Variants in RYR3 observed in about 807,000 individuals in gnomAD.
The protein encoded by RYR3 is brain ryanodine receptor-calcium release channel.
Under a neutral mutation model 584.3 loss-of-function variants are expected in RYR3, and 207 were observed. The ratio of observed to expected loss-of-function variants is 0.35; its 90% CI spans 0.32 to 0.40. The LOEUF (loss-of-function observed/expected upper bound fraction) is 0.40. Ranked by LOEUF, RYR3 falls within the 10% of genes least tolerant of loss-of-function variation. RYR3 has a pLI of 1.00. For missense variants in RYR3, 5,616 were observed against 6,089.2 expected (o/e 0.92, Z 2.59); for synonymous variants, 2,416 against 2,248.5 (o/e 1.07, Z -2.11).
At chr15:33,584,962 C>A (rs1038892226) in intron 15 of RYR3, among the ~76,000 whole-genome samples, 6 of 152,008 alleles carry the variant, frequency 3.9e-5, no homozygotes, top group Non-Finnish European at 7.4e-5. Flanking sequence ...CGTGACTCAC[C>A]CTTCACATCA....
chr15:33,369,034 C>A (rs1193648394), intron 1 of RYR3, among the ~76,000 whole-genome samples: 2 of 152,210 alleles, frequency 1.3e-5, no homozygotes, highest in African/African-American at 4.8e-5. Context: ...CAGTTACTCT[C>A]TGCTCAATCG....
chr15:33,385,712 T>TTTTTC (rs2041553713), intron 1 of RYR3, among the ~76,000 whole-genome samples: 1 of 147,652 alleles, frequency 6.8e-6, no homozygotes, highest in African/African-American at 2.5e-5. Flanking sequence ...TTTCTTTTCT[T>TTTTTC]TTTTTTTTTG....
rs1201963780 is a variant in RYR3 at position 33,795,380 on chromosome 15, C to CTTTTTT, written c.9831-5373_9831-5368dup. 3.1e-3 allele frequency among the ~76,000 whole-genome samples: 286 copies of CTTTTTT among 92,420 alleles called. 1 individual carries two copies. The highest frequency in any genetic ancestry group is 7.2e-3 in the African/African-American group (164 of 22,804). The allele number at this position is 92,420 out of a possible 152,430, so 60.6% of individuals were successfully genotyped here. A position where few individuals can be genotyped will look rare whatever the true frequency, so the allele number is the denominator to read the frequency against. On this transcript the variant is annotated intron_variant, in intron 67 of 103. Coordinates refer to ENST00000634891, the MANE Select transcript of RYR3 (RefSeq NM_001036.6). ...AGTATTAAACAAGTCTTTTTCTTTT[C>CTTTTTT]TTTTTTTTTTTTTTTTTTTTTTGTG...
intron 3 of RYR3, among the ~76,000 whole-genome samples, chr15:33,504,621 A>G (rs2052307149): frequency 6.6e-6 from 1 of 152,214 alleles, no homozygotes; most frequent in Admixed American, 6.5e-5. Context: ...TGCCTGTTTT[A>G]AAATCCTTTG....
At chr15:33,672,387 C>T (rs1002627520) in intron 38 of RYR3, among the ~76,000 whole-genome samples, 1 of 152,160 alleles carries the variant, frequency 6.6e-6, no homozygotes, top group African/African-American at 2.4e-5. Flanking sequence ...TATGAGACTG[C>T]GTGTCTTCAC....
At chr15:33,814,620 C>T (rs749054673) in intron 74 of RYR3, among the ~76,000 whole-genome samples, 28 of 152,148 alleles carry the variant, frequency 1.8e-4, no homozygotes, top group African/African-American at 2.9e-4. Flanking sequence ...TGGTCTCCGC[C>T]GGGCGCAGTG....
intron 2 of RYR3, among the ~76,000 whole-genome samples, chr15:33,474,978 T>A (rs1317726686): frequency 6.6e-6 from 1 of 152,232 alleles, no homozygotes; most frequent in East Asian, 1.9e-4. Flanking sequence ...TTTTATCTTT[T>A]TAAAGATCTT....
chr15:33,573,814 T>A (rs1045498995), intron 12 of RYR3, among the ~76,000 whole-genome samples: 1 of 152,246 alleles, frequency 6.6e-6, no homozygotes, highest in Admixed American at 6.5e-5. Context: ...TCTCTGAGGT[T>A]CTTCTAGGGT....
At chr15:33,350,867 A>G (rs1390798238) in intron 1 of RYR3, among the ~76,000 whole-genome samples, 3 of 152,130 alleles carry the variant, frequency 2.0e-5, no homozygotes, top group Non-Finnish European at 4.4e-5. Context: ...AAGCAAGAGC[A>G]AACACATTCA....
chr15:33,432,668 T>TGGTGTG (rs113646851), intron 1 of RYR3, among the ~76,000 whole-genome samples: 2 of 132,142 alleles, frequency 1.5e-5, no homozygotes, highest in East Asian at 4.2e-4. Context: ...GCCTAGCTAA[T>TGGTGTG]TGTGTGTGTG....
intron 69 of RYR3, among the ~76,000 whole-genome samples, chr15:33,804,456 C>G (rs960329438): frequency 6.6e-6 from 1 of 152,206 alleles, no homozygotes; most frequent in Non-Finnish European, 1.5e-5. Context: ...TTGCATCATT[C>G]ACTTAACTCC....
intron 94 of RYR3, chr15:33,849,165 CT>C (rs1353396503): frequency 6.6e-6 from 1 of 152,066 alleles, no homozygotes; most frequent in East Asian, 1.9e-4. Flanking sequence ...AAATAGCCTG[CT>C]TGGTAAGAGA....
At chr15:33,747,481 G>A (rs894067154) in intron 53 of RYR3, among the ~76,000 whole-genome samples, 20 of 123,806 alleles carry the variant, frequency 1.6e-4, no homozygotes, top group African/African-American at 6.4e-4. Context: ...CTAGAGTGCT[G>A]TGGTGCAATC....
intron 1 of RYR3, among the ~76,000 whole-genome samples, chr15:33,470,055 C>T (rs2048809309): frequency 6.6e-6 from 1 of 151,998 alleles, no homozygotes; most frequent in Non-Finnish European, 1.5e-5. Flanking sequence ...CTGTGGGGCA[C>T]CTGAAATCCA....
At chr15:33,622,945 A>C (rs1209387363) in intron 19 of RYR3, among the ~76,000 whole-genome samples, 1 of 152,206 alleles carries the variant, frequency 6.6e-6, no homozygotes, top group African/African-American at 2.4e-5. Flanking sequence ...CATATATATG[A>C]GGCTGACTTT....
intron 1 of RYR3, among the ~76,000 whole-genome samples, chr15:33,338,669 C>T (rs965183103): frequency 3.3e-5 from 5 of 152,206 alleles, no homozygotes; most frequent in Non-Finnish European, 7.4e-5. Flanking sequence ...GGCAGGTTTT[C>T]GTGACCCAGT....
In RYR3 at chr15:33,635,487, G is replaced by A. The variant is rs2061454704; in HGVS notation, c.3176-127G>A. 5.8e-6 allele frequency: 4 copies of A among 690,554 alleles called. No individual in the cohort carries two copies. The South Asian group carries it at 6.9e-5, about 12-fold the overall frequency. 42.8% of individuals were successfully genotyped at this position (690,554 alleles called of 1,614,324 possible). ...CATGAACAGAATGCCATATTGGATA[G>A]TAGTCGACCTATGGTCAGTCTTAGA... On this transcript the variant is annotated intron_variant, in intron 25 of 103. Coordinates refer to ENST00000634891, the MANE Select transcript of RYR3 (RefSeq NM_001036.6).
intron 75 of RYR3, among the ~76,000 whole-genome samples, chr15:33,818,304 C>G (rs1032470747): frequency 6.6e-6 from 1 of 152,078 alleles, no homozygotes; most frequent in Non-Finnish European, 1.5e-5. Flanking sequence ...TTATGGGCAG[C>G]CTTTTGCTTT....
At chr15:33,683,223 T>A (rs1359008311) in intron 38 of RYR3, among the ~76,000 whole-genome samples, 1 of 152,102 alleles carries the variant, frequency 6.6e-6, no homozygotes, top group African/African-American at 2.4e-5. Flanking sequence ...CTCGATCTCC[T>A]GACCTCATGA....
Sources: gnomAD v4.1 joint callset for allele counts (sites outside exome capture counted in the v4.1 genomes callset) on GRCh38, gnomAD v4.1.1 for gene constraint, MANE v1.5 for transcripts, NCBI Gene and HGNC (gene_info 2026-07-23, HGNC 2026-07-21) for gene names.